The following TOM1L2 variants were observed in gnomAD, a reference collection of about 807,000 sequenced individuals.
The protein encoded by TOM1L2 is target of myb1 like 2 membrane trafficking protein.
Under a neutral mutation model 67.9 loss-of-function variants are expected in TOM1L2, and 31 were observed. The observed-to-expected ratio is 0.46, with a 90% CI of 0.34 to 0.62. The LOEUF (loss-of-function observed/expected upper bound fraction) is 0.62. Ranked by LOEUF, TOM1L2 falls within the 20% of genes least tolerant of loss-of-function variation. TOM1L2 has a pLI of 0.01. For missense variants in TOM1L2, 606 were observed against 663.5 expected, an observed-to-expected ratio of 0.91 and a Z score of 0.95; for synonymous variants, 256 against 254.0, an observed-to-expected ratio of 1.01 and a Z score of -0.07.
intron 9 of TOM1L2, 152 bp from the exon 10 acceptor site, chr17:17,866,571 A>G (rs2036862030): frequency 9.3e-7 from 1 of 1,072,426 alleles, no homozygotes; most frequent in Non-Finnish European, 1.3e-6. Context: ...CCTGCCTTCC[A>G]GGTCCATGGT....
At chr17:17,868,054 T>C (rs979687241) in intron 8 of TOM1L2, among the ~76,000 whole-genome samples, 5 of 152,236 alleles carry the variant, frequency 3.3e-5, no homozygotes, top group African/African-American at 4.8e-5. Flanking sequence ...AAAATACTCA[T>C]ATTAGTTAGC....
At chr17:17,875,490 G>T (rs571451997) in intron 7 of TOM1L2, among the ~76,000 whole-genome samples, 1 of 152,074 alleles carries the variant, frequency 6.6e-6, no homozygotes, top group African/African-American at 2.4e-5. Context: ...AGAGCCTACT[G>T]CTTGCTCAGG....
chr17:17,963,398 T>C (rs1299430159), intron 1 of TOM1L2, among the ~76,000 whole-genome samples: 2 of 152,222 alleles, frequency 1.3e-5, no homozygotes, highest in Non-Finnish European at 2.9e-5. Context: ...CAGACCATGC[T>C]TGATGTCTAA....
chr17:17,956,180 AG>A (rs1350287132), intron 1 of TOM1L2, among the ~76,000 whole-genome samples: 2 of 152,180 alleles, frequency 1.3e-5, no homozygotes, highest in African/African-American at 4.8e-5. Flanking sequence ...CATTTTACAG[AG>A]AACTGATTGG....
chr17:17,872,775 C>A (rs1413009891), intron 7 of TOM1L2, among the ~76,000 whole-genome samples: 2 of 152,252 alleles, frequency 1.3e-5, no homozygotes, highest in African/African-American at 4.8e-5. Context: ...GGACCCACCC[C>A]CTCCAGCAAA....
Position 17,847,629 on chromosome 17 carries a change from A to T in TOM1L2, c.*6T>A. ...CGCCATCTGGGGAGGCAAACCACAG[A>T]GCTGCTCACAGGGCGAAGAGGGCAT... On this transcript the variant is annotated 3_prime_UTR_variant, in exon 15 of 15. Coordinates refer to ENST00000379504, the MANE Select transcript of TOM1L2 (RefSeq NM_001082968.2). 1 of 1,603,456 alleles carries T rather than the reference A, an allele frequency of 6.2e-7. No homozygotes were observed. Among genetic ancestry groups the T allele is most frequent in the Non-Finnish European group, 8.5e-7 (1 of 1,174,452 alleles).
chr17:17,950,593 G>A (rs1351206880), intron 1 of TOM1L2, among the ~76,000 whole-genome samples: 3 of 152,172 alleles, frequency 2.0e-5, no homozygotes, highest in African/African-American at 7.2e-5. Context: ...TAATGAGAGT[G>A]AGTCTTGGCG....
rs762782172 is a variant in TOM1L2, at chr17:17,898,679, A to G, written c.138-5T>C. The G allele has an allele frequency of 6.2e-7, 1 of 1,614,206 alleles. No individual in the cohort carries two copies. Among genetic ancestry groups the G allele is most frequent in the Admixed American group, 1.7e-5 (1 of 60,024 alleles). On this transcript the variant is annotated splice_polypyrimidine_tract_variant and splice_region_variant and intron_variant, in intron 2 of 14. Transcript: ENST00000379504. ...GCTCGAATGGCATCCTTTGGCCTGG[A>G]AAAAAGAACAGACATATAAAGATAC...
chr17:17,901,304 C>T (rs2038844740), intron 2 of TOM1L2, among the ~76,000 whole-genome samples: 1 of 152,168 alleles, frequency 6.6e-6, no homozygotes, highest in Admixed American at 6.5e-5. Context: ...AAGCATGTGT[C>T]AAGAGCCAAG....
At position 17,972,340 on chromosome 17, in the gene TOM1L2, G is replaced by A. The variant is rs776322417; in HGVS notation, c.-27C>T. The A allele has an allele frequency of 1.7e-5, 26 of 1,549,058 alleles. No homozygotes were observed. The highest frequency in any genetic ancestry group is 9.8e-5 in the Admixed American group (5 of 51,002). Reference sequence around the variant, plus strand: ...TTGGGTGGACAACACGCAGCGGCCCGGGCCCCCTGTCTGCCACCTAGGCCT... The same window carrying A: ...TTGGGTGGACAACACGCAGCGGCCCAGGCCCCCTGTCTGCCACCTAGGCCT... On this transcript the variant is annotated 5_prime_UTR_variant, in exon 1 of 15. Transcript: ENST00000379504.
At chr17:17,892,513 C>G (rs754142091) in intron 4 of TOM1L2, among the ~76,000 whole-genome samples, 1 of 152,140 alleles carries the variant, frequency 6.6e-6, no homozygotes, top group Admixed American at 6.5e-5. Flanking sequence ...GCTCAGAGCC[C>G]TTCGATGTCT....
chr17:17,969,257 A>G (rs937073249), intron 1 of TOM1L2, among the ~76,000 whole-genome samples: 1 of 151,948 alleles, frequency 6.6e-6, no homozygotes, highest in African/African-American at 2.4e-5. Context: ...GGGTTTCACC[A>G]TATTGGTCAG....
intron 1 of TOM1L2, among the ~76,000 whole-genome samples, chr17:17,970,216 G>A (rs1597493237): frequency 6.6e-6 from 1 of 151,530 alleles, no homozygotes; most frequent in African/African-American, 2.4e-5. Context: ...CACCACGCCT[G>A]GCTAATTTTC....
At position 17,952,002 on chromosome 17, in the gene TOM1L2, T is replaced by G. The variant is rs1422479680; in HGVS notation, c.52+20260A>C. Reference sequence around the variant, plus strand: ...TACTCTTATAGTCTGACATGAGCATTTTGTCCCTAGGAATCTAAACTACAC... The same window carrying G: ...TACTCTTATAGTCTGACATGAGCATGTTGTCCCTAGGAATCTAAACTACAC... On this transcript the variant is annotated intron_variant, in intron 1 of 14. Coordinates refer to ENST00000379504, the MANE Select transcript of TOM1L2 (RefSeq NM_001082968.2). Among the ~76,000 whole-genome samples, 3 of 152,162 alleles carry G rather than the reference T, an allele frequency of 2.0e-5. No individual in the cohort carries two copies. In the East Asian group the frequency reaches 5.8e-4, roughly 29 times the overall value.
rs527345181 is a variant in TOM1L2, at chr17:17,860,219, C to CT, written c.1278+1256dup. On this transcript the variant is annotated intron_variant, in intron 12 of 14. Transcript: ENST00000379504. ...CCTGGTAGGCCCCTGGCTGGGCTCT[C>CT]TAATGCCCACGCTGGGGCAGGTGGG... is the stretch of plus-strand genomic sequence containing the variant. Among the ~76,000 whole-genome samples the CT allele has an allele frequency of 1.9e-3, 282 of 152,344 alleles. 2 individuals are homozygous for CT. The highest frequency in any genetic ancestry group is 3.6e-3 in the Non-Finnish European group (248 of 68,028).
At chr17:17,862,676 C>G in intron 11 of TOM1L2, 55 bp downstream of exon 11, 1 of 1,448,266 alleles carries the variant, frequency 6.9e-7, no homozygotes, top group South Asian at 1.2e-5. Context: ...TGTGACCAGG[C>G]ATGGGTCAAT....
intron 12 of TOM1L2, among the ~76,000 whole-genome samples, chr17:17,860,970 G>A (rs542005989): frequency 2.6e-5 from 4 of 152,308 alleles, no homozygotes; most frequent in Admixed American, 2.6e-4. Context: ...AATGGGGTTG[G>A]TACTGCTCTG....
At position 17,861,471 on chromosome 17, in the gene TOM1L2, C is replaced by T; in HGVS notation, c.1278+5G>A. The T allele has an allele frequency of 1.9e-6, 3 of 1,613,644 alleles. 1 individual carries two copies. Among genetic ancestry groups the T allele is most frequent in the South Asian group, 2.2e-5 (2 of 91,068 alleles). Reference sequence around the variant, plus strand: ...CCAGGCAGAAAAACAGGGTTAAAGACCTACCCCTTCTGAACTCTGTTTTCG... The same window carrying T: ...CCAGGCAGAAAAACAGGGTTAAAGATCTACCCCTTCTGAACTCTGTTTTCG... On this transcript the variant is annotated splice_donor_5th_base_variant and intron_variant, in intron 12 of 14. Coordinates refer to ENST00000379504, the MANE Select transcript of TOM1L2 (RefSeq NM_001082968.2).
intron 6 of TOM1L2, 79 bp from the exon 7 acceptor site, chr17:17,879,822 C>G (rs2037624014): frequency 8.2e-7 from 1 of 1,221,208 alleles, no homozygotes; most frequent in East Asian, 2.3e-5. Context: ...TCAGCTTGCT[C>G]CTAGTCTAGT....
Sources: gnomAD v4.1 joint callset for allele counts (sites outside exome capture counted in the v4.1 genomes callset) on GRCh38, gnomAD v4.1.1 for gene constraint, MANE v1.5 for transcripts, NCBI Gene and HGNC (gene_info 2026-07-23, HGNC 2026-07-21) for gene names.